Variants in SST observed in about 807,000 individuals in gnomAD.
The protein encoded by SST is growth hormone release-inhibiting factor.
SST carries 7 observed loss-of-function variants against 10.4 expected under a neutral mutation model. The ratio of observed to expected loss-of-function variants is 0.67; its 90% CI spans 0.38 to 1.26. The LOEUF is 1.26. SST is among the 50% of genes most tolerant of loss of function. The probability of loss-of-function intolerance (pLI) is 0.02; values close to 1 mark genes in which losing one functional copy is unlikely to be tolerated. For missense variants in SST, 145 were observed against 140.8 expected (o/e 1.03, Z -0.15); for synonymous variants, 63 against 63.9 (o/e 0.99, Z 0.07).
At chr3:187,669,634 A>G (rs1717191971) in intron 1 of SST, among the ~76,000 whole-genome samples, 1 of 151,944 alleles carries the variant, frequency 6.6e-6, no homozygotes, top group Non-Finnish European at 1.5e-5. Context: ...GTTTAATTCA[A>G]TTTTCACATC....
intron 1 of SST, among the ~76,000 whole-genome samples, chr3:187,669,595 G>C (rs1717191405): frequency 6.6e-6 from 1 of 150,714 alleles, no homozygotes; most frequent in Non-Finnish European, 1.5e-5. Flanking sequence ...CATAAAGACC[G>C]TTCTGGTAAG....
At chr3:187,670,003 G>C in intron 1 of SST, 151 bp downstream of exon 1, 1 of 816,534 alleles carries the variant, frequency 1.2e-6, no homozygotes, top group Non-Finnish European at 1.9e-6. Context: ...GCCTTTGATA[G>C]TTTTCTCAAG....
intron 1 of SST, 95 bp from the exon 2 acceptor site, chr3:187,669,372 T>C: frequency 8.0e-7 from 1 of 1,250,548 alleles, no homozygotes; most frequent in South Asian, 1.3e-5. Context: ...ACAGATTTGG[T>C]CACACACAAA....
At chr3:187,669,734 G>A (rs371618606) in intron 1 of SST, among the ~76,000 whole-genome samples, 5 of 152,126 alleles carry the variant, frequency 3.3e-5, no homozygotes, top group Non-Finnish European at 4.4e-5. Context: ...TACGGCGTTC[G>A]GTCTTTAGAT....
At chr3:187,669,578 A>G (rs1717190461) in intron 1 of SST, among the ~76,000 whole-genome samples, 1 of 151,834 alleles carries the variant, frequency 6.6e-6, no homozygotes. Context: ...ACACACACAC[A>G]CACACACATA....
At position 187,669,284 on chromosome 3, in the gene SST, A is replaced by T. The variant is rs1398730491; in HGVS notation, c.139-7T>A. 4.3e-6 allele frequency: 7 copies of T among 1,612,484 alleles called. No homozygotes were observed. Among genetic ancestry groups the T allele is most frequent in the Non-Finnish European group, 5.9e-6 (7 of 1,179,156 alleles). The stretch of plus-strand genomic sequence containing the variant: ...AGAAGTACTTGGCCAGTTCCTGTAT[A>T]GGGCAGAAGGGATAGAAAAAGAGAG... On this transcript the variant is annotated splice_region_variant and splice_polypyrimidine_tract_variant and intron_variant, in intron 1 of 1. Transcript: ENST00000287641.
chr3:187,669,031 A>G lies in SST; in HGVS notation c.*34T>C, dbSNP rs760364287. 3.1e-6 allele frequency: 5 copies of G among 1,605,298 alleles called. No individual in the cohort carries two copies. The highest frequency in any genetic ancestry group is 2.2e-5 in the East Asian group (1 of 44,814). ...AGATGGGGTGTGGGGGCGAGGGATC[A>G]GAGGTCTGATATGGACAATACTAGT... On this transcript the variant is annotated 3_prime_UTR_variant, in exon 2 of 2. Transcript: ENST00000287641.
intron 1 of SST, 93 bp from the exon 2 acceptor site, chr3:187,669,370 G>A: frequency 1.6e-6 from 2 of 1,243,488 alleles, no homozygotes; most frequent in Non-Finnish European, 1.1e-6. Context: ...GAACAGATTT[G>A]GTCACACACA....
Position 187,668,995 on chromosome 3 carries a change from T to G in SST, c.*70A>C. 7.1e-7 allele frequency: 1 copy of G among 1,409,236 alleles called. No individual in the cohort carries two copies. The highest frequency in any genetic ancestry group is 1.0e-6 in the Non-Finnish European group (1 of 995,554). 87.3% of individuals were successfully genotyped at this position (1,409,236 alleles called of 1,614,324 possible). A position where few individuals can be genotyped will look rare whatever the true frequency, so the allele number is the denominator to read the frequency against. On this transcript the variant is annotated 3_prime_UTR_variant, in exon 2 of 2. Coordinates refer to ENST00000287641, the MANE Select transcript of SST (RefSeq NM_001048.4). ...AGGGTCTCGCTGAAGACTTGGAGGA[T>G]TAGGGAAGAGAGATGGGGTGTGGGG... is the stretch of plus-strand genomic sequence containing the variant.
chr3:187,670,277 G>A lies in SST; in HGVS notation c.15C>T (p.Arg5=), dbSNP rs760756885. Reference sequence around the variant, plus strand: ...ACAGCGCAGCCAGCGCGCACTGGAGGCGGCAGGACAGCATCTCGGCGCCGC... The same window carrying A: ...ACAGCGCAGCCAGCGCGCACTGGAGACGGCAGGACAGCATCTCGGCGCCGC... MLSC[R]LQCALAALSI... Residue 5 remains arginine (R), a synonymous_variant, in exon 1 of 2, where the codon CGC becomes CGT. Transcript: ENST00000287641. 3.1e-6 allele frequency: 5 copies of A among 1,588,774 alleles called. No homozygotes were observed. Among genetic ancestry groups the A allele is most frequent in the Non-Finnish European group, 4.3e-6 (5 of 1,167,504 alleles).
chr3:187,669,547 C>T (rs1331423481), intron 1 of SST, among the ~76,000 whole-genome samples: 2 of 138,282 alleles, frequency 1.4e-5, no homozygotes, highest in Non-Finnish European at 1.5e-5. Context: ...CACACACACA[C>T]ACACACGCAC....
rs373604003 is a variant in SST at position 187,669,297 on chromosome 3, T to C, written c.139-20A>G. The C allele has an allele frequency of 3.7e-6, 6 of 1,608,178 alleles. No individual in the cohort carries two copies. Among genetic ancestry groups the C allele is most frequent in the East Asian group, 2.2e-5 (1 of 44,790 alleles). ...CAGTTCCTGTATAGGGCAGAAGGGA[T>C]AGAAAAAGAGAGAAAGAGAAGTGGG... On this transcript the variant is annotated intron_variant, in intron 1 of 1. Coordinates refer to ENST00000287641, the MANE Select transcript of SST (RefSeq NM_001048.4).
Position 187,669,175 on chromosome 3 carries a change from C to T in SST, c.241G>A (p.Glu81Lys). The change falls in exon 2 of 2, where the codon GAA becomes AAA. Residue 81 changes from glutamate (E) to lysine (K), a missense_variant. Coordinates refer to ENST00000287641, the MANE Select transcript of SST (RefSeq NM_001048.4). ...EDLSQAAEQD[E>K]MRLELQRSAN... Reference sequence around the variant, plus strand: ...GATCTCTGCAGCTCAAGCCTCATTTCATCCTGCTCAGCAGCCTGGGACAGA... The same window carrying T: ...GATCTCTGCAGCTCAAGCCTCATTTTATCCTGCTCAGCAGCCTGGGACAGA... 6.2e-7 allele frequency: 1 copy of T among 1,614,034 alleles called. No homozygotes were observed. Among genetic ancestry groups the T allele is most frequent in the Non-Finnish European group, 8.5e-7 (1 of 1,180,028 alleles).
chr3:187,670,146 C>G lies in SST; in HGVS notation c.138+8G>C. On this transcript the variant is annotated splice_region_variant and intron_variant, in intron 1 of 1. Transcript: ENST00000287641. ...AGAATCCGGGAGACGTCGAGGGAGT[C>G]TCCTTACCTGCTTCCCCGCGGCAGC... 1 of 1,582,268 alleles carries G rather than the reference C, an allele frequency of 6.3e-7. No homozygotes were observed. The highest frequency in any genetic ancestry group is 1.2e-5 in the South Asian group (1 of 86,146).
intron 1 of SST, 110 bp downstream of exon 1, chr3:187,670,044 A>G (rs1446860668): frequency 1.6e-6 from 2 of 1,248,648 alleles, no homozygotes; most frequent in Admixed American, 5.6e-5. Flanking sequence ...CCAGAAAAGC[A>G]CCAAAACTCT....
At chr3:187,669,974 G>T (rs1380527856) in intron 1 of SST, among the ~76,000 whole-genome samples, 180 bp downstream of exon 1, 2 of 152,208 alleles carry the variant, frequency 1.3e-5, no homozygotes, top group African/African-American at 4.8e-5. Context: ...GGGAAAAAAA[G>T]AGTTAGAAGG....
In SST at chr3:187,670,381, C is replaced by T. The variant is rs1717211409; in HGVS notation, c.-90G>A. ...GCAGCGATGGCTCCGAACCTCGCTC[C>T]TAAAGCGGCTTGTGTGCTCTCAACC... On this transcript the variant is annotated 5_prime_UTR_variant, in exon 1 of 2. Coordinates refer to ENST00000287641, the MANE Select transcript of SST (RefSeq NM_001048.4). 1.4e-6 allele frequency: 2 copies of T among 1,442,510 alleles called. No homozygotes were observed. The highest frequency in any genetic ancestry group is 1.9e-6 in the Non-Finnish European group (2 of 1,077,930). 89.4% of individuals were successfully genotyped at this position (1,442,510 alleles called of 1,614,324 possible).
Position 187,669,189 on chromosome 3 carries a change from G to T in SST, c.227C>A (p.Ala76Asp). The part of the protein sequence containing the change: ...DALEPEDLSQ[A>D]AEQDEMRLEL... ...AAGCCTCATTTCATCCTGCTCAGCAGCCTGGGACAGATCTTCAGGTTCCAG... is the reference window on the plus strand; with the variant it reads ...AAGCCTCATTTCATCCTGCTCAGCATCCTGGGACAGATCTTCAGGTTCCAG... The change falls in exon 2 of 2, where the codon GCT becomes GAT. Residue 76 changes from alanine to aspartate, a missense_variant. By Grantham distance (126) the Ala-to-Asp change is moderately radical (BLOSUM62 -2). Transcript: ENST00000287641. 1 of 1,614,048 alleles carries T rather than the reference G, an allele frequency of 6.2e-7. No homozygotes were observed. Among genetic ancestry groups the T allele is most frequent in the Non-Finnish European group, 8.5e-7 (1 of 1,180,042 alleles).
chr3:187,670,238 G>A lies in SST; in HGVS notation c.54C>T (p.Ala18=). The A allele has an allele frequency of 6.3e-7, 1 of 1,595,878 alleles. No homozygotes were observed. Among genetic ancestry groups the A allele is most frequent in the South Asian group, 1.1e-5 (1 of 87,878 alleles). The change falls in exon 1 of 2, where the codon GCC becomes GCT. Residue 18 remains alanine, a synonymous_variant. Coordinates refer to ENST00000287641, the MANE Select transcript of SST (RefSeq NM_001048.4). ...AGGGAGCGCCGGTGACACAGCCCAG[G>A]GCCAGGACGATGGACAGCGCAGCCA... ...CALAALSIVL[A]LGCVTGAPSD... is the part of the protein sequence containing the mutation.
Sources: gnomAD v4.1 joint callset for allele counts (sites outside exome capture counted in the v4.1 genomes callset) on GRCh38, gnomAD v4.1.1 for gene constraint, MANE v1.5 for transcripts, NCBI Gene and HGNC (gene_info 2026-07-23, HGNC 2026-07-21) for gene names.